Variants in ACOXL observed in about 807,000 individuals in gnomAD.
ACOXL encodes acyl-CoA oxidase like.
In ACOXL, 70 loss-of-function variants were observed where a neutral mutation model predicts 71.9. That is an observed-to-expected ratio of 0.97 (90% CI 0.80 to 1.19). The LOEUF (loss-of-function observed/expected upper bound fraction) is 1.19, where lower values mean the gene tolerates loss of function less well. Among genes scored for constraint, ACOXL ranks in the 50% most tolerant of loss-of-function variants. The probability of loss-of-function intolerance (pLI) is 0.00; values close to 1 mark genes in which losing one functional copy is unlikely to be tolerated. For synonymous variants in ACOXL, 253 were observed against 281.6 expected, an observed-to-expected ratio of 0.90 and a Z score of 1.02; for missense variants, 703 against 736.3, an observed-to-expected ratio of 0.95 and a Z score of 0.52.
chr2:110,997,685 ACT>A (rs757350193), intron 14 of ACOXL, among the ~76,000 whole-genome samples: 1 of 152,190 alleles, frequency 6.6e-6, no homozygotes, highest in Non-Finnish European at 1.5e-5. Flanking sequence ...AAAATGAATA[ACT>A]CTAAAATAAG....
At chr2:110,741,137 C>A (rs185760899) in intron 1 of ACOXL, among the ~76,000 whole-genome samples, 2 of 152,238 alleles carry the variant, frequency 1.3e-5, no homozygotes, top group Non-Finnish European at 2.9e-5. Flanking sequence ...CTCTGGGCTT[C>A]CGATTCCTCA....
At chr2:110,968,128 T>C (rs1007699950) in intron 12 of ACOXL, 14 of 1,340,382 alleles carry the variant, frequency 1.0e-5, no homozygotes, top group Non-Finnish European at 3.2e-6. Context: ...TGCTGCAGAG[T>C]ATTGTACTGG....
chr2:111,032,031 G>A (rs570967933), intron 15 of ACOXL, among the ~76,000 whole-genome samples: 1 of 152,348 alleles, frequency 6.6e-6, no homozygotes, highest in East Asian at 1.9e-4. Flanking sequence ...TCCCTCAGAA[G>A]TGGCCCTCTG....
intron 3 of ACOXL, among the ~76,000 whole-genome samples, chr2:110,788,175 A>G (rs942329429): frequency 1.5e-4 from 23 of 152,234 alleles, no homozygotes; most frequent in Admixed American, 1.4e-3. Flanking sequence ...ACTGAAATAG[A>G]TACTTGTGTG....
In ACOXL at chr2:110,798,298, C is replaced by A. The variant is rs1418861396; in HGVS notation, c.346-312C>A. Among the ~76,000 whole-genome samples the A allele has an allele frequency of 9.8e-4, 148 of 151,190 alleles. 1 individual carries two copies. The highest frequency in any genetic ancestry group is 7.7e-4 in the Non-Finnish European group (52 of 67,784). ...TTGAGATGGAGTCTCGCTCTGTCGC[C>A]CAGGCTGGAGTGCAGTGGCGCAATC... On this transcript the variant is annotated intron_variant, in intron 5 of 17. Coordinates refer to ENST00000439055, the MANE Select transcript of ACOXL (RefSeq NM_001142807.4).
At chr2:111,114,052 A>T (rs971956642) in intron 17 of ACOXL, 3 of 152,636 alleles carry the variant, frequency 2.0e-5, no homozygotes, top group Admixed American at 6.5e-5. Flanking sequence ...CAGGTTAAAA[A>T]TTTCTATTTC....
At chr2:110,873,708 G>A (rs1171928510) in intron 10 of ACOXL, among the ~76,000 whole-genome samples, 1 of 152,176 alleles carries the variant, frequency 6.6e-6, no homozygotes, top group Non-Finnish European at 1.5e-5. Context: ...CCATGGGAGA[G>A]GGTAAAAGGG....
Position 111,117,676 on chromosome 2 carries a change from A to G in ACOXL, c.1603A>G (p.Ile535Val). The G allele has an allele frequency of 6.4e-7, 1 of 1,551,748 alleles. No individual in the cohort carries two copies. The highest frequency in any genetic ancestry group is 8.7e-7 in the Non-Finnish European group (1 of 1,146,992). The change falls in exon 18 of 18, where the codon ATT becomes GTT. Residue 535 changes from isoleucine (I) to valine (V), a missense_variant. Transcript: ENST00000439055. ...CCGGAGGGTGATCTCGACCTTTAACATTCCACACACCTACCTCCACGCACC... is the reference window on the plus strand; with the variant it reads ...CCGGAGGGTGATCTCGACCTTTAACGTTCCACACACCTACCTCCACGCACC... ...DARRVISTFN[I>V]PHTYLHAPIA...
At chr2:110,953,772 A>G (rs1001927801) in intron 12 of ACOXL, among the ~76,000 whole-genome samples, 9 of 152,232 alleles carry the variant, frequency 5.9e-5, no homozygotes, top group African/African-American at 2.2e-4. Flanking sequence ...ACTTACAATC[A>G]TGGCAGAAGG....
chr2:111,003,550 C>CAAAAAAAAA lies in ACOXL; in HGVS notation c.1281+7567_1281+7575dup, dbSNP rs548001377. Among the ~76,000 whole-genome samples, 289 of 35,296 alleles carry CAAAAAAAAA rather than the reference C, an allele frequency of 8.2e-3. 56 individuals carry two copies. Among genetic ancestry groups the CAAAAAAAAA allele is most frequent in the Non-Finnish European group, 0.01 (185 of 18,284 alleles). The allele number at this position is 35,296 out of a possible 152,430, so 23.2% of individuals were successfully genotyped here. ...TGGGCGACAGGGCGAGACTCTGTCTCAAAAAAAAAAAAAAAAAAAAAAAAA... is the reference window on the plus strand; with the variant it reads ...TGGGCGACAGGGCGAGACTCTGTCTCAAAAAAAAAAAAAAAAAAAAAAAAAAAAAAAAAA... On this transcript the variant is annotated intron_variant, in intron 14 of 17. Transcript: ENST00000439055.
chr2:111,062,976 T>C (rs993392086), intron 16 of ACOXL, among the ~76,000 whole-genome samples: 1 of 152,130 alleles, frequency 6.6e-6, no homozygotes, highest in Non-Finnish European at 1.5e-5. Flanking sequence ...GTATATACTC[T>C]GTGCACATCA....
At chr2:110,824,204 C>T (rs1002557094) in intron 9 of ACOXL, among the ~76,000 whole-genome samples, 46 of 152,324 alleles carry the variant, frequency 3.0e-4, no homozygotes, top group Admixed American at 2.7e-3. Context: ...TGAATTCTCT[C>T]TTCTGTTTCA....
chr2:110,810,631 CCCATCCATCAT>C (rs1687207227), intron 9 of ACOXL, among the ~76,000 whole-genome samples: 1 of 152,002 alleles, frequency 6.6e-6, no homozygotes, highest in Non-Finnish European at 1.5e-5. Context: ...CCATCATCCA[CCCATCCATCAT>C]CCATCCATCC....
chr2:110,968,581 A>G, intron 12 of ACOXL: 2 of 939,030 alleles, frequency 2.1e-6, no homozygotes, highest in Non-Finnish European at 3.3e-6. Flanking sequence ...TTATACATCA[A>G]GTCTATGAAA....
In ACOXL at chr2:110,778,051, A is replaced by AT. The variant is rs573750937; in HGVS notation, c.76-6679dup. On this transcript the variant is annotated intron_variant, in intron 2 of 17. Transcript: ENST00000439055. ...TGCAGTTGGAGAAGGCAGGGTTAGC[A>AT]TTCATGTTGGCAGCAGCGGCCATGC... is the stretch of plus-strand genomic sequence containing the variant. Among the ~76,000 whole-genome samples the AT allele has an allele frequency of 1.7e-4, 26 of 152,362 alleles. No individual in the cohort carries two copies. In the East Asian group the frequency reaches 4.8e-3, roughly 28 times the overall value.
chr2:110,750,995 A>C (rs1678866280), intron 1 of ACOXL, among the ~76,000 whole-genome samples: 1 of 151,868 alleles, frequency 6.6e-6, no homozygotes, highest in Non-Finnish European at 1.5e-5. Flanking sequence ...CCAACACTTT[A>C]TATTTAAAAA....
intron 17 of ACOXL, among the ~76,000 whole-genome samples, chr2:111,104,304 T>C (rs2069384223): frequency 6.6e-6 from 1 of 152,238 alleles, no homozygotes; most frequent in Admixed American, 6.5e-5. Flanking sequence ...CATTTTCCCA[T>C]ACAGGATTTT....
intron 14 of ACOXL, among the ~76,000 whole-genome samples, chr2:111,007,667 G>C (rs1441178905): frequency 6.6e-6 from 1 of 152,088 alleles, no homozygotes; most frequent in East Asian, 1.9e-4. Context: ...TCTCCAAGGA[G>C]AGCTGGTTCT....
At chr2:110,863,653 T>C (rs1694218813) in intron 10 of ACOXL, among the ~76,000 whole-genome samples, 1 of 152,076 alleles carries the variant, frequency 6.6e-6, no homozygotes, top group Non-Finnish European at 1.5e-5. Flanking sequence ...GATTCTGAGA[T>C]GGGTGGGACA....
Sources: allele counts gnomAD v4.1 joint callset (sites outside exome capture counted in the v4.1 genomes callset), GRCh38; gene constraint gnomAD v4.1.1; transcripts MANE v1.5; gene names NCBI Gene and HGNC (gene_info 2026-07-23, HGNC 2026-07-21).